Variants in MS4A14 observed in about 807,000 individuals in gnomAD.
MS4A14 encodes membrane spanning 4-domains A14, also known as membrane-spanning 4-domains subfamily A member 14.
MS4A14 carries 18 observed loss-of-function variants against 16.7 expected under a neutral mutation model. The ratio of observed to expected loss-of-function variants is 1.08; its 90% confidence interval spans 0.75 to 1.60. The LOEUF (loss-of-function observed/expected upper bound fraction) is 1.60. Among genes scored for constraint, MS4A14 ranks in the 40% most tolerant of loss-of-function variants. The pLI is 0.00. For missense variants in MS4A14, 812 were observed against 775.3 expected (o/e 1.05, Z -0.56); for synonymous variants, 305 against 289.4 (o/e 1.05, Z -0.55).
chr11:60,416,523 G>C lies in MS4A14; in HGVS notation c.1555G>C (p.Asp519His). The part of the protein sequence containing the change: ...GQKSSKRHSL[D>H]QQSKGWQSPK... The stretch of plus-strand genomic sequence containing the variant: ...GAAATCCTCAAAGAGGCATTCCTTA[G>C]ATCAGCAAAGCAAAGGCTGGCAATC... The change falls in exon 5 of 5, where the codon GAT becomes CAT. Residue 519 changes from aspartate to histidine, a missense_variant. By Grantham distance (81) the Asp-to-His change is moderately conservative. Coordinates refer to ENST00000300187, the MANE Select transcript of MS4A14 (RefSeq NM_032597.5). 1 of 1,613,826 alleles carries C rather than the reference G, an allele frequency of 6.2e-7. No individual in the cohort carries two copies. The highest frequency in any genetic ancestry group is 1.3e-5 in the African/African-American group (1 of 75,020).
chr11:60,398,155 G>A, intron 2 of MS4A14, 175 bp downstream of exon 2: 1 of 549,832 alleles, frequency 1.8e-6, no homozygotes, highest in Non-Finnish European at 3.1e-6. Context: ...CATCATCATT[G>A]TAATAACTAC....
intron 4 of MS4A14, chr11:60,405,860 TA>T: frequency 6.9e-7 from 1 of 1,449,710 alleles, no homozygotes; most frequent in Non-Finnish European, 9.4e-7. Flanking sequence ...TCATTTCAAA[TA>T]CCATTTATTT....
rs1240363669 is a variant in MS4A14 at position 60,416,666 on chromosome 11, T to C, written c.1698T>C (p.Ala566=). Reference sequence around the variant, plus strand: ...AAGAGCAACTCCCAGATCAGCAAGCTGAAGATCAGCAAGCCAAAGGGGAAC... The same window carrying C: ...AAGAGCAACTCCCAGATCAGCAAGCCGAAGATCAGCAAGCCAAAGGGGAAC... ...QTKEQLPDQQ[A]EDQQAKGEQY... The change falls in exon 5 of 5, where the codon GCT becomes GCC. Residue 566 remains alanine, a synonymous_variant. Transcript: ENST00000300187. 6.2e-7 allele frequency: 1 copy of C among 1,613,716 alleles called. No individual in the cohort carries two copies. Among genetic ancestry groups the C allele is most frequent in the Middle Eastern group, 1.6e-4 (1 of 6,062 alleles).
At chr11:60,406,940 T>C (rs1002272403) in intron 4 of MS4A14, among the ~76,000 whole-genome samples, 1 of 152,002 alleles carries the variant, frequency 6.6e-6, no homozygotes, top group African/African-American at 2.4e-5. Context: ...TCATCCATGC[T>C]GTTGCCTCTA....
rs773411855 is a variant in MS4A14, at chr11:60,416,447, A to C, written c.1479A>C (p.Lys493Asn). The change falls in exon 5 of 5, where the codon AAA becomes AAC. Residue 493 changes from lysine (K) to asparagine (N), a missense_variant. Coordinates refer to ENST00000300187, the MANE Select transcript of MS4A14 (RefSeq NM_032597.5). ...GGCATTCCTTAAACCAGCAAACCAA[A>C]GCCTTGCAATACTTAAGGAGACATT... ...SRRHSLNQQT[K>N]ALQYLRRHSL... 1.9e-6 allele frequency: 3 copies of C among 1,613,854 alleles called. No homozygotes were observed. The highest frequency in any genetic ancestry group is 2.5e-6 in the Non-Finnish European group (3 of 1,179,944).
intron 4 of MS4A14, among the ~76,000 whole-genome samples, chr11:60,408,506 A>G (rs2085821513): frequency 6.6e-6 from 1 of 152,114 alleles, no homozygotes; most frequent in South Asian, 2.1e-4. Context: ...CCTACTTTCT[A>G]TATTATGAAT....
At position 60,417,050 on chromosome 11, in the gene MS4A14, C is replaced by A; in HGVS notation, c.*42C>A. On this transcript the variant is annotated 3_prime_UTR_variant, in exon 5 of 5. Coordinates refer to ENST00000300187, the MANE Select transcript of MS4A14 (RefSeq NM_032597.5). ...CAAAGATTATAAAGCACGAGAATGG[C>A]AATTTGAAATGAAGCACTGGCAAAC... The A allele has an allele frequency of 1.3e-6, 2 of 1,566,548 alleles. No homozygotes were observed. The highest frequency in any genetic ancestry group is 1.7e-6 in the Non-Finnish European group (2 of 1,160,184).
In MS4A14 at chr11:60,397,880, T is replaced by C; in HGVS notation, c.167T>C (p.Ile56Thr). The C allele has an allele frequency of 9.1e-6, 2 of 219,924 alleles. No homozygotes were observed. The highest frequency in any genetic ancestry group is 1.3e-5 in the Non-Finnish European group (2 of 150,434). The allele number at this position is 219,924 out of a possible 1,614,324, so 13.6% of individuals were successfully genotyped here. ...GATQILLALI[I>T]VGFGTIFALN... Reference sequence around the variant, plus strand: ...ACCCAGATCCTGCTTGCTCTAATCATTGTGGGCTTTGGAACTATATTTGCA... The same window carrying C: ...ACCCAGATCCTGCTTGCTCTAATCACTGTGGGCTTTGGAACTATATTTGCA... Residue 56 changes from isoleucine (I) to threonine (T), a missense_variant, in exon 2 of 5, where the codon ATT becomes ACT. Physicochemically the swap from Ile to Thr is moderately conservative, Grantham distance 89. Coordinates refer to ENST00000300187, the MANE Select transcript of MS4A14 (RefSeq NM_032597.5).
rs775947158 is a variant in MS4A14, at chr11:60,416,036, C to G, written c.1068C>G (p.Pro356=). The part of the protein sequence containing the change: ...QSSNLTANDL[P]PQGILSQDTS... ...CTAATCTGACAGCTAATGACCTGCC[C>G]CCTCAAGGCATACTATCCCAAGACA... The change falls in exon 5 of 5, where the codon CCC becomes CCG. Residue 356 remains proline, a synonymous_variant. Coordinates refer to ENST00000300187, the MANE Select transcript of MS4A14 (RefSeq NM_032597.5). 6.2e-7 allele frequency: 1 copy of G among 1,613,624 alleles called. No individual in the cohort carries two copies.
chr11:60,400,223 C>A (rs2085691497), intron 2 of MS4A14, among the ~76,000 whole-genome samples, 181 bp from the exon 3 acceptor site: 1 of 152,180 alleles, frequency 6.6e-6, no homozygotes, highest in African/African-American at 2.4e-5. Flanking sequence ...CTGAGCAAAT[C>A]CAGCACAAAG....
chr11:60,415,975 C>G lies in MS4A14; in HGVS notation c.1007C>G (p.Pro336Arg). 1 of 1,613,930 alleles carries G rather than the reference C, an allele frequency of 6.2e-7. No homozygotes were observed. The highest frequency in any genetic ancestry group is 1.7e-5 in the Admixed American group (1 of 59,944). ...GAAGGCCTGTCAGAACAAACCATGCCATCTAAGTCTACATCATCCCATGTC... is the reference window on the plus strand; with the variant it reads ...GAAGGCCTGTCAGAACAAACCATGCGATCTAAGTCTACATCATCCCATGTC... ...PVEGLSEQTMPSKSTSSHVKQ... is the reference protein window; with the variant it reads ...PVEGLSEQTMRSKSTSSHVKQ... The change falls in exon 5 of 5, where the codon CCA becomes CGA. Residue 336 changes from proline (P) to arginine (R), a missense_variant. Pro to Arg is a moderately radical substitution (Grantham distance 103). Transcript: ENST00000300187.
At chr11:60,399,243 G>A (rs959712493) in intron 2 of MS4A14, among the ~76,000 whole-genome samples, 7 of 152,182 alleles carry the variant, frequency 4.6e-5, no homozygotes, top group African/African-American at 1.2e-4. Flanking sequence ...TTCCAGGTGC[G>A]ATGTGAGGGT....
intron 4 of MS4A14, among the ~76,000 whole-genome samples, chr11:60,410,065 T>C (rs1186714765): frequency 6.6e-6 from 1 of 152,174 alleles, no homozygotes; most frequent in Non-Finnish European, 1.5e-5. Context: ...TGCTATGCTG[T>C]CAGGGCTGGT....
chr11:60,402,306 C>T (rs376224246), intron 3 of MS4A14, among the ~76,000 whole-genome samples: 15 of 152,088 alleles, frequency 9.9e-5, no homozygotes, highest in South Asian at 8.3e-4. Context: ...TAAATGTTAA[C>T]GATTCTGTTG....
chr11:60,402,461 T>A (rs1346438213), intron 3 of MS4A14, among the ~76,000 whole-genome samples: 1 of 152,178 alleles, frequency 6.6e-6, no homozygotes, highest in African/African-American at 2.4e-5. Flanking sequence ...AATAAATGAA[T>A]AAATGGATAC....
intron 2 of MS4A14, 27 bp downstream of exon 2, chr11:60,398,007 G>C (rs187813587): frequency 1.4e-5 from 23 of 1,609,172 alleles, no homozygotes; most frequent in Non-Finnish European, 2.0e-5. Flanking sequence ...AGAAGCTTTG[G>C]AGAAATTGCT....
chr11:60,405,737 A>G (rs1044949151), intron 4 of MS4A14, among the ~76,000 whole-genome samples: 2 of 152,208 alleles, frequency 1.3e-5, no homozygotes, highest in Non-Finnish European at 2.9e-5. Flanking sequence ...GAAAGACACA[A>G]GATGAAAATT....
intron 2 of MS4A14, among the ~76,000 whole-genome samples, chr11:60,400,099 C>T (rs2085688873): frequency 1.3e-5 from 2 of 152,160 alleles, no homozygotes; most frequent in Admixed American, 6.5e-5. Flanking sequence ...TCTTCAAGGC[C>T]CAGAGCTCAG....
intron 4 of MS4A14, among the ~76,000 whole-genome samples, chr11:60,413,870 T>C (rs1230750710): frequency 1.3e-5 from 2 of 152,080 alleles, no homozygotes; most frequent in African/African-American, 4.8e-5. Context: ...AGGAAGTAGG[T>C]GACGTTATTA....
Sources: allele counts gnomAD v4.1 joint callset (sites outside exome capture counted in the v4.1 genomes callset), GRCh38; gene constraint gnomAD v4.1.1; transcripts MANE v1.5; gene names NCBI Gene and HGNC (gene_info 2026-07-23, HGNC 2026-07-21).